The following NEBL variants were observed in gnomAD, a reference collection of about 807,000 sequenced individuals.
NEBL encodes the protein nebulette.
Under a neutral mutation model 140.2 loss-of-function variants are expected in NEBL, and 122 were observed. That is an observed-to-expected ratio of 0.87 (90% CI 0.75 to 1.01). The LOEUF (loss-of-function observed/expected upper bound fraction) is 1.01, where lower values mean the gene tolerates loss of function less well. NEBL is among the 50% of genes least tolerant of loss of function. NEBL has a pLI of 0.00. For missense variants in NEBL, 1,365 were observed against 1,231.3 expected (o/e 1.11, Z -1.62); for synonymous variants, 436 against 398.9 (o/e 1.09, Z -1.11).
Position 21,145,361 on chromosome 10 carries a change from C to G in NEBL, c.164+27022G>C, listed in dbSNP as rs1211251018. ...ATGCAGCACTATTTATTTAAATGTC[C>G]ATTAATTGGGGAATGGTTAAATAAA... On this transcript the variant is annotated intron_variant, in intron 2 of 6. Coordinates refer to the NEBL transcript ENST00000417816. 3.9e-5 allele frequency among the ~76,000 whole-genome samples: 6 copies of G among 152,054 alleles called. No individual in the cohort carries two copies. In the East Asian group the frequency reaches 1.2e-3, roughly 29 times the overall value.
At chr10:21,247,623 T>A (rs1406673864) in intron 3 of NEBL, 2 of 152,178 alleles carry the variant, frequency 1.3e-5, no homozygotes, top group African/African-American at 4.8e-5. Flanking sequence ...TAAGCAATAA[T>A]TCCCCTATTT....
chr10:21,187,360 G>A (rs1351941413), intron 3 of NEBL, among the ~76,000 whole-genome samples: 2 of 152,000 alleles, frequency 1.3e-5, no homozygotes, highest in African/African-American at 2.4e-5. Flanking sequence ...AAGTTTTTTG[G>A]GGGAAGCCTG....
In NEBL at chr10:20,782,484, C is replaced by T. The variant is rs776329527; in HGVS notation, c.*3263G>A. 1 of 152,382 alleles carries T rather than the reference C, an allele frequency of 6.6e-6. No individual in the cohort carries two copies. Among genetic ancestry groups the T allele is most frequent in the Non-Finnish European group, 1.5e-5 (1 of 68,030 alleles). 9.4% of individuals were successfully genotyped at this position (152,382 alleles called of 1,614,324 possible). A position where few individuals can be genotyped will look rare whatever the true frequency, so the allele number is the denominator to read the frequency against. On this transcript the variant is annotated 3_prime_UTR_variant, in exon 28 of 28. Coordinates refer to ENST00000377122, the MANE Select transcript of NEBL (RefSeq NM_006393.3). The stretch of plus-strand genomic sequence containing the variant: ...TATCTTTTTAGAAAAAGTCTTGTTC[C>T]TCATTCCCAGAGTGTTGTCAAGCTC...
chr10:20,996,094 G>C (rs1837655694), intron 3 of NEBL, among the ~76,000 whole-genome samples: 1 of 152,148 alleles, frequency 6.6e-6, no homozygotes, highest in South Asian at 2.1e-4. Context: ...AATACTAATG[G>C]GGGTTCTCAG....
At chr10:21,146,361 A>G (rs1361502136) in intron 2 of NEBL, 1 of 1,613,218 alleles carries the variant, frequency 6.2e-7, no homozygotes, top group Non-Finnish European at 8.5e-7. Context: ...TCTGGAATGT[A>G]CATTTCAGCC....
At chr10:21,075,727 T>G (rs977482132) in intron 2 of NEBL, among the ~76,000 whole-genome samples, 2 of 152,164 alleles carry the variant, frequency 1.3e-5, no homozygotes, top group Non-Finnish European at 2.9e-5. Flanking sequence ...CATCAACCAT[T>G]TAAATCGTCA....
intron 3 of NEBL, among the ~76,000 whole-genome samples, chr10:20,986,689 A>G (rs1280268032): frequency 6.6e-6 from 1 of 152,212 alleles, no homozygotes; most frequent in African/African-American, 2.4e-5. Context: ...ATTATAATGA[A>G]CAAGTCATTC....
At chr10:21,255,981 C>CA (rs774590730) in intron 1 of NEBL, among the ~76,000 whole-genome samples, 31,027 of 122,418 alleles carry the variant, frequency 0.25, 3,503 homozygotes, top group African/African-American at 0.29. Flanking sequence ...GACTCTGTCT[C>CA]AAAAAAAAAA....
intron 4 of NEBL, among the ~76,000 whole-genome samples, chr10:20,884,034 T>C (rs1564418688): frequency 6.6e-6 from 1 of 152,206 alleles, no homozygotes; most frequent in Non-Finnish European, 1.5e-5. Flanking sequence ...ATTAATGCTG[T>C]TTTCTTCATA....
At position 20,781,627 on chromosome 10, in the gene NEBL, A is replaced by G. The variant is rs1835042719; in HGVS notation, c.*4120T>C. ...GCATTCCCAGGAATATACTGAAGTC[A>G]TACAGACAACTGAGAAAATTTGCTC... On this transcript the variant is annotated 3_prime_UTR_variant, in exon 28 of 28. Transcript: ENST00000377122. 6.6e-6 allele frequency: 1 copy of G among 152,392 alleles called. No individual in the cohort carries two copies. The highest frequency in any genetic ancestry group is 2.4e-5 in the African/African-American group (1 of 41,462). 9.4% of individuals were successfully genotyped at this position (152,392 alleles called of 1,614,324 possible). A position where few individuals can be genotyped will look rare whatever the true frequency, so the allele number is the denominator to read the frequency against.
rs79145014 is a variant in NEBL, at chr10:21,221,896, A to G, written n.348+26025T>C. Among the ~76,000 whole-genome samples the G allele has an allele frequency of 9.8e-3, 1,485 of 152,124 alleles. 25 individuals are homozygous for G. Among genetic ancestry groups the G allele is most frequent in the African/African-American group, 0.032 (1,338 of 41,484 alleles). The stretch of plus-strand genomic sequence containing the variant: ...TCATCTTTGTATTGTTCCTTTTTAC[A>G]TAAACACTGAGACCTAGGTGCCCAT... On this transcript the variant is annotated intron_variant and non_coding_transcript_variant, in intron 3 of 8. Coordinates refer to the NEBL transcript ENST00000675702.
At chr10:20,948,533 G>A (rs1033182694) in intron 4 of NEBL, among the ~76,000 whole-genome samples, 23 of 152,194 alleles carry the variant, frequency 1.5e-4, no homozygotes, top group African/African-American at 5.5e-4. Context: ...AATAGTTATG[G>A]AAGTGTTTAC....
At chr10:21,160,629 G>T (rs1212841215) in intron 2 of NEBL, among the ~76,000 whole-genome samples, 1 of 148,364 alleles carries the variant, frequency 6.7e-6, no homozygotes, top group African/African-American at 2.5e-5. Context: ...AAAGAGAAAC[G>T]GAGAGATAGT....
chr10:20,850,345 C>G (rs751093275), intron 11 of NEBL, 50 bp downstream of exon 11: 2 of 1,398,778 alleles, frequency 1.4e-6, no homozygotes, highest in East Asian at 4.6e-5. Flanking sequence ...TTTCAAATGA[C>G]AAAACATCAA....
intron 2 of NEBL, among the ~76,000 whole-genome samples, chr10:21,122,523 A>G (rs73607596): frequency 9.5e-4 from 145 of 152,304 alleles, no homozygotes; most frequent in African/African-American, 3.4e-3. Context: ...CTCACAATCC[A>G]GAATAAGTGG....
intron 4 of NEBL, among the ~76,000 whole-genome samples, chr10:20,956,605 A>C (rs1329671938): frequency 6.6e-6 from 1 of 152,184 alleles, no homozygotes; most frequent in African/African-American, 2.4e-5. Context: ...AATAACATTC[A>C]TTCTCCCTTC....
intron 4 of NEBL, among the ~76,000 whole-genome samples, chr10:20,937,120 C>T (rs1304752792): frequency 6.6e-6 from 1 of 152,198 alleles, no homozygotes; most frequent in Non-Finnish European, 1.5e-5. Flanking sequence ...CATGAGGGCA[C>T]ACAGACTTCC....
chr10:20,945,608 A>G (rs915001290), intron 4 of NEBL, among the ~76,000 whole-genome samples: 1 of 152,218 alleles, frequency 6.6e-6, no homozygotes, highest in East Asian at 1.9e-4. Flanking sequence ...GGATGAGAAG[A>G]AAGTCTGGTT....
Position 21,172,694 on chromosome 10 carries a change from A to G in NEBL, c.70-217T>C, listed in dbSNP as rs1207704151. On this transcript the variant is annotated intron_variant, in intron 1 of 6. Transcript: ENST00000417816. The stretch of plus-strand genomic sequence containing the variant: ...GAGTCTTAAAGGAAAACCCACCGCA[A>G]TACACAGACGCACCATGGACGAACT... Among the ~76,000 whole-genome samples the G allele has an allele frequency of 2.6e-5, 4 of 152,106 alleles. No individual in the cohort carries two copies. In the East Asian group the frequency reaches 7.7e-4, roughly 29 times the overall value.
Sources: gnomAD v4.1 joint callset for allele counts (sites outside exome capture counted in the v4.1 genomes callset) on GRCh38, gnomAD v4.1.1 for gene constraint, MANE v1.5 for transcripts, NCBI Gene and HGNC (gene_info 2026-07-23, HGNC 2026-07-21) for gene names.